Variants in CDH12 observed in about 807,000 individuals in gnomAD.
CDH12 encodes cadherin-12.
A neutral mutation model predicts 74.1 loss-of-function variants in CDH12; 41 were observed. That is an observed-to-expected ratio of 0.55 (90% CI 0.43 to 0.72). The LOEUF (loss-of-function observed/expected upper bound fraction) is 0.72, where lower values mean the gene tolerates loss of function less well. Among genes scored for constraint, CDH12 ranks in the 30% least tolerant of loss-of-function variants. The pLI, the probability that CDH12 is intolerant of heterozygous loss-of-function variation, is 0.00. For missense variants in CDH12, 945 were observed against 977.2 expected (o/e 0.97, Z 0.44); for synonymous variants, 399 against 355.0 (o/e 1.12, Z -1.39).
intron 6 of CDH12, among the ~76,000 whole-genome samples, chr5:21,891,798 C>A (rs1752911857): frequency 6.6e-6 from 1 of 151,832 alleles, no homozygotes; most frequent in African/African-American, 2.4e-5. Flanking sequence ...GCTAAATGTA[C>A]CTTATTAATT....
intron 2 of CDH12, among the ~76,000 whole-genome samples, chr5:22,476,869 T>A (rs1320301106): frequency 6.6e-6 from 1 of 152,012 alleles, no homozygotes; most frequent in East Asian, 1.9e-4. Flanking sequence ...AACTACAGAG[T>A]CCCAATCACA....
chr5:22,306,501 A>G (rs1335573326), intron 3 of CDH12, among the ~76,000 whole-genome samples: 2 of 151,602 alleles, frequency 1.3e-5, no homozygotes, highest in African/African-American at 4.8e-5. Context: ...CCCACTTGCT[A>G]AAAAGAAATT....
At chr5:21,778,521 ATTTT>A (rs71964106) in intron 11 of CDH12, among the ~76,000 whole-genome samples, 1 of 115,140 alleles carries the variant, frequency 8.7e-6, no homozygotes, top group Non-Finnish European at 1.8e-5. Context: ...AAAAATCTCT[ATTTT>A]TTTTTTTTTT....
intron 2 of CDH12, among the ~76,000 whole-genome samples, chr5:22,475,010 CA>C (rs1363652395): frequency 2.0e-5 from 3 of 151,136 alleles, no homozygotes; most frequent in African/African-American, 7.3e-5. Context: ...TACTACTAAG[CA>C]AAATCCTGGA....
intron 1 of CDH12, among the ~76,000 whole-genome samples, chr5:22,845,356 C>T (rs1243279260): frequency 6.6e-6 from 1 of 152,060 alleles, no homozygotes; most frequent in African/African-American, 2.4e-5. Flanking sequence ...ATGTCTCACA[C>T]CCCTCCCTCA....
At chr5:22,224,479 G>C (rs1454724774) in intron 3 of CDH12, among the ~76,000 whole-genome samples, 1 of 152,018 alleles carries the variant, frequency 6.6e-6, no homozygotes, top group East Asian at 1.9e-4. Flanking sequence ...TTTTGTTGTA[G>C]ATGTTGACAA....
intron 3 of CDH12, among the ~76,000 whole-genome samples, chr5:22,376,668 C>T (rs1348099209): frequency 6.7e-6 from 1 of 148,760 alleles, no homozygotes; most frequent in Non-Finnish European, 1.5e-5. Context: ...AGGCATGTGC[C>T]ACTATGGTTG....
At chr5:22,498,656 T>C (rs1238279543) in intron 2 of CDH12, among the ~76,000 whole-genome samples, 2 of 151,914 alleles carry the variant, frequency 1.3e-5, no homozygotes, top group African/African-American at 4.8e-5. Context: ...ATATGATATA[T>C]AATATTATTT....
rs1743305343 is a variant in CDH12, at chr5:22,414,651, C to A, written c.-427-9300G>T. Among the ~76,000 whole-genome samples, 3 of 151,494 alleles carry A rather than the reference C, an allele frequency of 2.0e-5. No homozygotes were observed. The South Asian group carries it at 6.3e-4, about 32-fold the overall frequency. ...TAATTTATATATTTAAAATGAAAACCTTTGCTATGGTAATTTTATTGAATT... is the reference window on the plus strand; with the variant it reads ...TAATTTATATATTTAAAATGAAAACATTTGCTATGGTAATTTTATTGAATT... On this transcript the variant is annotated intron_variant, in intron 2 of 14. Transcript: ENST00000382254.
rs554100906 is a variant in CDH12 at position 22,027,600 on chromosome 5, G to A, written c.231+50846C>T. Among the ~76,000 whole-genome samples, 716 of 152,140 alleles carry A rather than the reference G, an allele frequency of 4.7e-3. 9 individuals carry two copies. Among genetic ancestry groups the A allele is most frequent in the African/African-American group, 0.016 (675 of 41,520 alleles). ...CTTCTAGATTTTCTAGTTTATTTGC[G>A]TAGAGGTGTTTGTAGTATTCTCTGA... On this transcript the variant is annotated intron_variant, in intron 5 of 14. Coordinates refer to ENST00000382254, the MANE Select transcript of CDH12 (RefSeq NM_004061.5).
intron 6 of CDH12, among the ~76,000 whole-genome samples, chr5:21,896,533 G>A (rs1753131116): frequency 6.6e-6 from 1 of 152,148 alleles, no homozygotes; most frequent in Non-Finnish European, 1.5e-5. Flanking sequence ...TGAAATACCA[G>A]ATTGTTATAA....
intron 3 of CDH12, among the ~76,000 whole-genome samples, chr5:22,273,398 G>A (rs976722940): frequency 6.6e-6 from 1 of 152,174 alleles, no homozygotes; most frequent in Non-Finnish European, 1.5e-5. Flanking sequence ...TGCAGTATCT[G>A]CAAAGTACAA....
intron 2 of CDH12, among the ~76,000 whole-genome samples, chr5:22,411,413 A>G (rs1249609112): frequency 1.3e-5 from 2 of 151,958 alleles, no homozygotes; most frequent in Non-Finnish European, 2.9e-5. Flanking sequence ...GGTAGGAAAG[A>G]GGTTTCACAC....
At chr5:22,417,519 A>C (rs765442405) in intron 2 of CDH12, among the ~76,000 whole-genome samples, 30 of 152,226 alleles carry the variant, frequency 2.0e-4, no homozygotes, top group Non-Finnish European at 3.8e-4. Context: ...CTCGCCAGAT[A>C]TGAGTTCCTT....
At chr5:22,816,597 C>G (rs1436199864) in intron 1 of CDH12, among the ~76,000 whole-genome samples, 1 of 152,112 alleles carries the variant, frequency 6.6e-6, no homozygotes, top group Non-Finnish European at 1.5e-5. Context: ...TTACTTGCTG[C>G]CCTGCAAAAG....
chr5:22,127,385 G>A (rs1467914180), intron 4 of CDH12, among the ~76,000 whole-genome samples: 2 of 151,418 alleles, frequency 1.3e-5, no homozygotes, highest in Non-Finnish European at 2.9e-5. Context: ...GCTGAGACAG[G>A]AGAATCCCTT....
At chr5:21,854,559 G>A (rs754682562) in intron 7 of CDH12, 112 bp downstream of exon 7, 26 of 766,578 alleles carry the variant, frequency 3.4e-5, no homozygotes, top group African/African-American at 5.3e-5. Context: ...AATGCGCATC[G>A]CACTGAAGCT....
intron 4 of CDH12, among the ~76,000 whole-genome samples, chr5:22,206,582 G>T (rs895090434): frequency 7.2e-6 from 1 of 138,904 alleles, no homozygotes; most frequent in Non-Finnish European, 1.5e-5. Flanking sequence ...TGAGACCCAG[G>T]AATCTACTTC....
chr5:21,906,341 G>C (rs1038696060), intron 6 of CDH12, among the ~76,000 whole-genome samples: 3 of 152,072 alleles, frequency 2.0e-5, no homozygotes, highest in African/African-American at 4.8e-5. Context: ...AATTTGCAAT[G>C]TTCTAGATCT....
Sources: allele counts gnomAD v4.1 joint callset (sites outside exome capture counted in the v4.1 genomes callset), GRCh38; gene constraint gnomAD v4.1.1; transcripts MANE v1.5; gene names NCBI Gene and HGNC (gene_info 2026-07-23, HGNC 2026-07-21).